The following PDXK variants were observed in gnomAD, a reference collection of about 807,000 sequenced individuals.
PDXK encodes the protein pyridoxal kinase, also known as epididymis secretory sperm binding protein Li 1a.
A neutral mutation model predicts 43.2 loss-of-function variants in PDXK; 15 were observed. The ratio of observed to expected loss-of-function variants is 0.35; its 90% CI spans 0.23 to 0.53. PDXK has a LOEUF of 0.53. PDXK is among the 20% of genes least tolerant of loss of function. PDXK has a pLI of 0.92. For missense variants in PDXK, 343 were observed against 417.0 expected (o/e 0.82, Z 1.54); for synonymous variants, 172 against 165.4 (o/e 1.04, Z -0.31).
intron 1 of PDXK, among the ~76,000 whole-genome samples, chr21:43,729,682 G>T (rs1360955139): frequency 6.6e-6 from 1 of 152,208 alleles, no homozygotes; most frequent in Non-Finnish European, 1.5e-5. Context: ...CTCACGCCTT[G>T]TTATTGCACC....
chr21:43,719,947 G>T, intron 1 of PDXK: 1 of 984,796 alleles, frequency 1.0e-6, no homozygotes, highest in Non-Finnish European at 1.2e-6. Context: ...CCAGGAGGTG[G>T]CCGAAGGGAA....
intron 1 of PDXK, among the ~76,000 whole-genome samples, chr21:43,727,254 C>T (rs996064381): frequency 2.0e-5 from 3 of 152,072 alleles, no homozygotes; most frequent in Non-Finnish European, 4.4e-5. Context: ...GAGTGAGTGA[C>T]GCTGAGGAAT....
intron 4 of PDXK, among the ~76,000 whole-genome samples, chr21:43,744,190 G>A (rs918301728): frequency 1.3e-5 from 2 of 151,126 alleles, no homozygotes; most frequent in African/African-American, 4.9e-5. Context: ...GTGGGGGAGG[G>A]CAGGGTCATA....
rs770160132 is a variant in PDXK at position 43,719,396 on chromosome 21, G to A, written c.87+15G>A. 2.6e-6 allele frequency: 4 copies of A among 1,517,372 alleles called. No homozygotes were observed. Among genetic ancestry groups the A allele is most frequent in the African/African-American group, 1.4e-5 (1 of 69,554 alleles). 94.0% of individuals were successfully genotyped at this position (1,517,372 alleles called of 1,614,324 possible). A position where few individuals can be genotyped will look rare whatever the true frequency, so the allele number is the denominator to read the frequency against. ...TCCCGCTGCAGGTACGCATCCGCCC[G>A]CAGCCCGGGCTTACGTAACCCGAGC... On this transcript the variant is annotated intron_variant, in intron 1 of 10. Transcript: ENST00000291565.
chr21:43,719,655 C>T lies in PDXK; in HGVS notation c.87+274C>T, dbSNP rs2083190119. On this transcript the variant is annotated intron_variant, in intron 1 of 10. Transcript: ENST00000291565. Reference sequence around the variant, plus strand: ...AGGGAGCCCTGTGCACCAGCTATGGCGCAGCCGCTCGTCCTCGCCCCTTCC... The same window carrying T: ...AGGGAGCCCTGTGCACCAGCTATGGTGCAGCCGCTCGTCCTCGCCCCTTCC... The T allele has an allele frequency of 4.1e-6, 4 of 985,338 alleles. No homozygotes were observed. The Admixed American group carries it at 2.5e-4, about 61-fold the overall frequency. 61.0% of individuals were successfully genotyped at this position (985,338 alleles called of 1,614,324 possible). A position where few individuals can be genotyped will look rare whatever the true frequency, so the allele number is the denominator to read the frequency against.
chr21:43,727,465 C>T (rs1311812851), intron 1 of PDXK, among the ~76,000 whole-genome samples: 2 of 152,204 alleles, frequency 1.3e-5, no homozygotes, highest in African/African-American at 2.4e-5. Flanking sequence ...ACAAGCCTGC[C>T]AGCCCCTGTC....
intron 2 of PDXK, among the ~76,000 whole-genome samples, chr21:43,740,384 G>A (rs772359140): frequency 3.9e-5 from 6 of 152,058 alleles, no homozygotes; most frequent in East Asian, 1.9e-4. Context: ...CCACAAGTGC[G>A]TGATACTTGT....
chr21:43,722,397 C>T (rs1052957155), intron 1 of PDXK, among the ~76,000 whole-genome samples: 10 of 152,348 alleles, frequency 6.6e-5, no homozygotes, highest in Middle Eastern at 3.4e-3. Flanking sequence ...GGCAGCCTCC[C>T]AACCCCTTTT....
At position 43,732,131 on chromosome 21, in the gene PDXK, C is replaced by T. The variant is rs1179335095; in HGVS notation, c.88-1938C>T. Reference sequence around the variant, plus strand: ...AGCACTGCTGACAGAAGCCCATTCTCTTCGCAGGCTTCAGTTTCACATTCT... The same window carrying T: ...AGCACTGCTGACAGAAGCCCATTCTTTTCGCAGGCTTCAGTTTCACATTCT... On this transcript the variant is annotated intron_variant, in intron 1 of 10. Coordinates refer to ENST00000291565, the MANE Select transcript of PDXK (RefSeq NM_003681.5). This position sits in a 1 kb window ranked among gnomAD's most constrained non-coding sequence, Gnocchi z 4.1. 2.1e-5 allele frequency: 28 copies of T among 1,352,042 alleles called. No homozygotes were observed. Among genetic ancestry groups the T allele is most frequent in the Non-Finnish European group, 2.6e-5 (27 of 1,052,140 alleles). The allele number at this position is 1,352,042 out of a possible 1,614,324, so 83.8% of individuals were successfully genotyped here.
intron 1 of PDXK, among the ~76,000 whole-genome samples, chr21:43,729,509 G>C (rs2083290945): frequency 6.6e-6 from 1 of 152,222 alleles, no homozygotes; most frequent in African/African-American, 2.4e-5. Context: ...GCAGCCAGGG[G>C]CATCAGCCGT....
At chr21:43,748,510 T>C (rs1366457167) in intron 5 of PDXK, 1 of 153,432 alleles carries the variant, frequency 6.5e-6, no homozygotes. Context: ...AACAAAAAAG[T>C]GTTGAATTGT....
chr21:43,731,552 A>G (rs1219358459), intron 1 of PDXK, among the ~76,000 whole-genome samples: 1 of 152,234 alleles, frequency 6.6e-6, no homozygotes, highest in Non-Finnish European at 1.5e-5. Context: ...AAGGGGCCCA[A>G]GCTGATCCCA....
At chr21:43,724,379 G>A (rs1368682887) in intron 1 of PDXK, among the ~76,000 whole-genome samples, 4 of 152,140 alleles carry the variant, frequency 2.6e-5, no homozygotes, top group East Asian at 1.9e-4. Flanking sequence ...ACTGGGCCCC[G>A]CTTCTCCGGA....
intron 5 of PDXK, among the ~76,000 whole-genome samples, chr21:43,748,624 C>T (rs1490418215): frequency 2.0e-5 from 3 of 152,240 alleles, no homozygotes; most frequent in African/African-American, 7.2e-5. Context: ...GCCAGCACCC[C>T]CAAGCCCTCA....
Position 43,757,370 on chromosome 21 carries a change from G to A in PDXK, c.*1307G>A, listed in dbSNP as rs1472108560. 1 of 152,312 alleles carries A rather than the reference G, an allele frequency of 6.6e-6. No individual in the cohort carries two copies. 9.4% of individuals were successfully genotyped at this position (152,312 alleles called of 1,614,324 possible). On this transcript the variant is annotated 3_prime_UTR_variant, in exon 11 of 11. Coordinates refer to ENST00000291565, the MANE Select transcript of PDXK (RefSeq NM_003681.5). Reference sequence around the variant, plus strand: ...GTGTGCAGAGGTTTGTGTCTCCAGGGAACCCACGGCTGGAGAGAAATAGGG... The same window carrying A: ...GTGTGCAGAGGTTTGTGTCTCCAGGAAACCCACGGCTGGAGAGAAATAGGG...
intron 9 of PDXK, among the ~76,000 whole-genome samples, chr21:43,755,092 C>T (rs564629284): frequency 2.0e-5 from 3 of 152,328 alleles, no homozygotes; most frequent in African/African-American, 2.4e-5. Flanking sequence ...ACTGCCAGGC[C>T]GCCCAAGGTC....
At chr21:43,746,785 A>G (rs996469491) in intron 5 of PDXK, among the ~76,000 whole-genome samples, 2 of 152,174 alleles carry the variant, frequency 1.3e-5, no homozygotes, top group Non-Finnish European at 2.9e-5. Flanking sequence ...TATAATTTTC[A>G]TGTGTCACAA....
chr21:43,748,889 C>G (rs1400237489), intron 5 of PDXK, 106 bp from the exon 6 acceptor site: 4 of 704,074 alleles, frequency 5.7e-6, no homozygotes, highest in Non-Finnish European at 1.0e-5. Flanking sequence ...GCCTGGACTT[C>G]AGGGGGCTTT....
Position 43,749,023 on chromosome 21 carries a change from A to T in PDXK, c.407A>T (p.Tyr136Phe), listed in dbSNP as rs1410792460. 1 of 1,612,554 alleles carries T rather than the reference A, an allele frequency of 6.2e-7. No homozygotes were observed. Among genetic ancestry groups the T allele is most frequent in the South Asian group, 1.1e-5 (1 of 91,050 alleles). Residue 136 changes from tyrosine (Y) to phenylalanine (F), a missense_variant, in exon 6 of 11, where the codon TAC becomes TTC. Physicochemically the swap from Tyr to Phe is conservative, Grantham distance 22. Transcript: ENST00000291565. Reference protein sequence around the residue: ...MYVPEDLLPVYKEKVVPLADI... With the variant: ...MYVPEDLLPVFKEKVVPLADI... ...GTCCCGGAGGACCTCCTTCCCGTCT[A>T]CAAAGAAAAAGTGGTGCCGCTTGCA...
Sources: gnomAD v4.1 joint callset for allele counts (sites outside exome capture counted in the v4.1 genomes callset) on GRCh38, gnomAD v4.1.1 for gene constraint, Gnocchi (gnomAD v3.1) non-coding constraint, MANE v1.5 for transcripts, NCBI Gene and HGNC (gene_info 2026-07-23, HGNC 2026-07-21) for gene names.